Variants in RAP1GAP2 observed in about 807,000 individuals in gnomAD.
RAP1GAP2 encodes the protein rap1 GTPase-activating protein 2.
RAP1GAP2 carries 27 observed loss-of-function variants against 95.0 expected under a neutral mutation model. The observed-to-expected ratio is 0.28, with a 90% CI of 0.21 to 0.39. RAP1GAP2 has a LOEUF of 0.39. Ranked by LOEUF, RAP1GAP2 falls within the 10% of genes least tolerant of loss-of-function variation. The pLI, the probability that RAP1GAP2 is intolerant of heterozygous loss-of-function variation, is 1.00. For synonymous variants in RAP1GAP2, 373 were observed against 380.9 expected (o/e 0.98, Z 0.24); for missense variants, 771 against 970.0 (o/e 0.79, Z 2.72).
chr17:2,870,422 A>G lies in RAP1GAP2; in HGVS notation c.81-34862A>G, dbSNP rs948689810. ...ATGAGCCACCGTGCCCTGCCTGACA[A>G]TCTGGTTTTTGAAAGAAATGTTTAT... On this transcript the variant is annotated intron_variant, in intron 2 of 24. Coordinates refer to ENST00000254695, the MANE Select transcript of RAP1GAP2 (RefSeq NM_015085.5). The surrounding 1 kb of genome is among the most constrained non-coding windows in gnomAD (Gnocchi z 4.4). 2.6e-5 allele frequency among the ~76,000 whole-genome samples: 4 copies of G among 152,062 alleles called. No individual in the cohort carries two copies. The highest frequency in any genetic ancestry group is 5.9e-5 in the Non-Finnish European group (4 of 68,010).
intron 11 of RAP1GAP2, 53 bp from the exon 12 acceptor site, chr17:2,991,244 A>G: frequency 7.2e-7 from 1 of 1,392,644 alleles, no homozygotes; most frequent in Non-Finnish European, 1.0e-6. Context: ...TCCTTCCTTT[A>G]GCATCAGAAA....
At chr17:2,834,928 A>AT (rs1416144628) in intron 2 of RAP1GAP2, among the ~76,000 whole-genome samples, 6 of 151,996 alleles carry the variant, frequency 3.9e-5, no homozygotes, top group African/African-American at 1.2e-4. Flanking sequence ...AATTATTATT[A>AT]TTATTTTTTG....
In RAP1GAP2 at chr17:2,903,306, G is replaced by A. The variant is rs916325838; in HGVS notation, c.81-1978G>A. 6.6e-6 allele frequency among the ~76,000 whole-genome samples: 1 copy of A among 152,164 alleles called. No homozygotes were observed. The highest frequency in any genetic ancestry group is 1.5e-5 in the Non-Finnish European group (1 of 68,034). ...CATTGAGGAGGAGCTGTGGCTGCTT[G>A]GGAGAGGGCCAGGTGGAGGAGGCGG... On this transcript the variant is annotated intron_variant, in intron 2 of 24. Coordinates refer to ENST00000254695, the MANE Select transcript of RAP1GAP2 (RefSeq NM_015085.5). The surrounding 1 kb of genome is among the most constrained non-coding windows in gnomAD (Gnocchi z 4.1).
In RAP1GAP2 at chr17:3,029,367, A is replaced by G. The variant is rs1013244573; in HGVS notation, c.2108-1555A>G. Reference sequence around the variant, plus strand: ...CCTCTTACACACCTTTTCTCCACACAGTATTTAACCCCGATGGGCTGCTTT... The same window carrying G: ...CCTCTTACACACCTTTTCTCCACACGGTATTTAACCCCGATGGGCTGCTTT... On this transcript the variant is annotated intron_variant, in intron 22 of 24. Transcript: ENST00000254695. The surrounding 1 kb of genome is among the most constrained non-coding windows in gnomAD (Gnocchi z 4.4). 2.0e-5 allele frequency among the ~76,000 whole-genome samples: 3 copies of G among 152,030 alleles called. No homozygotes were observed. Among genetic ancestry groups the G allele is most frequent in the African/African-American group, 7.2e-5 (3 of 41,398 alleles).
At chr17:2,773,361 A>G (rs762035056), upstream of RAP1GAP2, among the ~76,000 whole-genome samples, 1 of 152,114 alleles carries the variant, frequency 6.6e-6, no homozygotes, top group Non-Finnish European at 1.5e-5. Flanking sequence ...TCAAAATTAG[A>G]CCGGGGGTGG....
chr17:2,938,702 T>C (rs1045337753), intron 3 of RAP1GAP2, among the ~76,000 whole-genome samples: 1 of 152,112 alleles, frequency 6.6e-6, no homozygotes, highest in African/African-American at 2.4e-5. Flanking sequence ...AAAATAAATA[T>C]CTGGCTGGGT....
At chr17:2,911,098 T>C (rs1306578977) in intron 3 of RAP1GAP2, among the ~76,000 whole-genome samples, 1 of 152,124 alleles carries the variant, frequency 6.6e-6, no homozygotes, top group Non-Finnish European at 1.5e-5. Flanking sequence ...GGACGGCCTC[T>C]TGTGGCTCTC....
intron 1 of RAP1GAP2, among the ~76,000 whole-genome samples, chr17:2,783,481 G>T (rs1198052053): frequency 6.6e-6 from 1 of 152,222 alleles, no homozygotes; most frequent in African/African-American, 2.4e-5. Flanking sequence ...AATGAATGAA[G>T]AGAGGACTGA....
intron 8 of RAP1GAP2, among the ~76,000 whole-genome samples, chr17:2,969,418 A>G (rs900257666): frequency 1.4e-5 from 2 of 143,748 alleles, no homozygotes; most frequent in East Asian, 4.0e-4. Flanking sequence ...CTAGGCTCCA[A>G]CCCAACCATT....
Position 2,965,639 on chromosome 17 carries a change from C to T in RAP1GAP2, c.592C>T (p.Leu198Phe), listed in dbSNP as rs889818497. 6.2e-7 allele frequency: 1 copy of T among 1,604,818 alleles called. No homozygotes were observed. Residue 198 changes from leucine (L) to phenylalanine (F), a missense_variant, in exon 8 of 25, where the codon CTT becomes TTT. Physicochemically the swap from Leu to Phe is conservative, Grantham distance 22 (BLOSUM62 0). Transcript: ENST00000254695. The surrounding 1 kb of genome is among the most constrained non-coding windows in gnomAD (Gnocchi z 4.7). The part of the protein sequence containing the change: ...AEGIEYLRVI[L>F]RSKLKTVHER... ...GGGGATCGAGTACCTCCGGGTCATCCTTAGGTAGGGCTGTTGCGCTGCTTG... is the reference window on the plus strand; with the variant it reads ...GGGGATCGAGTACCTCCGGGTCATCTTTAGGTAGGGCTGTTGCGCTGCTTG...
At chr17:2,931,758 C>T (rs1041130944) in intron 3 of RAP1GAP2, among the ~76,000 whole-genome samples, 1 of 152,176 alleles carries the variant, frequency 6.6e-6, no homozygotes, top group Non-Finnish European at 1.5e-5. Context: ...GCAGATGTCC[C>T]CTCTTCTTGC....
chr17:2,946,890 G>T (rs756993336), intron 3 of RAP1GAP2, among the ~76,000 whole-genome samples: 4 of 152,200 alleles, frequency 2.6e-5, no homozygotes, highest in Non-Finnish European at 5.9e-5. Flanking sequence ...AAGTAGCTGG[G>T]ATTATAGGCG....
intron 24 of RAP1GAP2, 38 bp downstream of exon 24, chr17:3,032,487 G>A: frequency 1.9e-6 from 3 of 1,587,252 alleles, no homozygotes; most frequent in Non-Finnish European, 8.7e-7. Flanking sequence ...CCGTGAGGGG[G>A]GACGTGTGTT....
At chr17:2,884,373 T>G (rs897830937) in intron 2 of RAP1GAP2, among the ~76,000 whole-genome samples, 3 of 93,202 alleles carry the variant, frequency 3.2e-5, no homozygotes, top group African/African-American at 1.3e-4. Context: ...TCTTGAGTTG[T>G]TTTTTTTTTT....
intron 2 of RAP1GAP2, among the ~76,000 whole-genome samples, chr17:2,834,502 G>A (rs2071043920): frequency 6.6e-6 from 1 of 152,158 alleles, no homozygotes; most frequent in South Asian, 2.1e-4. Context: ...CTTCAAGAGA[G>A]GAAGGACCAT....
At chr17:2,848,600 C>T (rs189230507) in intron 2 of RAP1GAP2, among the ~76,000 whole-genome samples, 47 of 152,128 alleles carry the variant, frequency 3.1e-4, no homozygotes, top group South Asian at 6.2e-4. Flanking sequence ...CTACAACCTC[C>T]GCCTCTGGGC....
intron 3 of RAP1GAP2, among the ~76,000 whole-genome samples, chr17:2,938,578 C>T (rs1435370452): frequency 6.6e-6 from 1 of 152,138 alleles, no homozygotes; most frequent in Non-Finnish European, 1.5e-5. Flanking sequence ...CATTCGCTAT[C>T]TTTAATTTTT....
chr17:2,899,806 TG>T (rs1311789139), intron 2 of RAP1GAP2, among the ~76,000 whole-genome samples: 4 of 152,182 alleles, frequency 2.6e-5, no homozygotes, highest in African/African-American at 9.7e-5. Flanking sequence ...CCACTGCCCG[TG>T]GTCCTATTTT....
chr17:2,858,568 G>C (rs746045601), intron 2 of RAP1GAP2, among the ~76,000 whole-genome samples: 20 of 151,928 alleles, frequency 1.3e-4, no homozygotes, highest in Non-Finnish European at 2.5e-4. Flanking sequence ...TAAATCTCAG[G>C]TACTAGATCA....
Sources: gnomAD v4.1 joint callset for allele counts (sites outside exome capture counted in the v4.1 genomes callset) on GRCh38, gnomAD v4.1.1 for gene constraint, Gnocchi (gnomAD v3.1) non-coding constraint, MANE v1.5 for transcripts, NCBI Gene and HGNC (gene_info 2026-07-23, HGNC 2026-07-21) for gene names.